The following SVIL variants were observed in gnomAD, a reference collection of about 807,000 sequenced individuals.
SVIL encodes the protein archvillin.
SVIL carries 101 observed loss-of-function variants against 240.4 expected under a neutral mutation model. That is an observed-to-expected ratio of 0.42 (90% CI 0.36 to 0.50). SVIL has a LOEUF of 0.50. SVIL is among the 20% of genes least tolerant of loss of function. The pLI is 0.01. For synonymous variants in SVIL, 999 were observed against 1,100.0 expected, an observed-to-expected ratio of 0.91 and a Z score of 1.82; for missense variants, 2,512 against 2,818.7, an observed-to-expected ratio of 0.89 and a Z score of 2.46.
intron 1 of SVIL, among the ~76,000 whole-genome samples, chr10:29,596,530 G>A (rs1956597653): frequency 6.6e-6 from 1 of 152,144 alleles, no homozygotes; most frequent in Admixed American, 6.5e-5. Context: ...GAGCATTTCA[G>A]TAAGCCATCC....
At chr10:29,723,955 C>G (rs983440318) in intron 1 of SVIL, among the ~76,000 whole-genome samples, 8 of 152,150 alleles carry the variant, frequency 5.3e-5, no homozygotes, top group African/African-American at 1.9e-4. Context: ...CTTTTCAAAA[C>G]CAACTTCTAG....
At chr10:29,585,988 C>T (rs1589326152) in intron 1 of SVIL, among the ~76,000 whole-genome samples, 1 of 152,358 alleles carries the variant, frequency 6.6e-6, no homozygotes, top group African/African-American at 2.4e-5. Flanking sequence ...AGCCATAACC[C>T]ATAGAACCTG....
rs543052668 is a variant in SVIL, at chr10:29,722,981, G to A, written c.-400+12770C>T. ...TTGATGTTGCTCATCTGTGAAATGG[G>A]AGTAATACTACCTACTTCACGTGGT... On this transcript the variant is annotated intron_variant, in intron 1 of 35. Coordinates refer to the SVIL transcript ENST00000375400. 3.7e-4 allele frequency among the ~76,000 whole-genome samples: 57 copies of A among 152,298 alleles called. 1 individual carries two copies. The South Asian group carries it at 0.011, about 30-fold the overall frequency.
chr10:29,572,486 C>A (rs1955473116), intron 1 of SVIL, among the ~76,000 whole-genome samples: 1 of 151,978 alleles, frequency 6.6e-6, no homozygotes, highest in Admixed American at 6.6e-5. Context: ...AGAGATGAAC[C>A]AGGCATGGTG....
chr10:29,638,304 A>C (rs563106517), upstream of SVIL, among the ~76,000 whole-genome samples: 1 of 152,094 alleles, frequency 6.6e-6, no homozygotes, highest in Non-Finnish European at 1.5e-5. Flanking sequence ...TCTACTAAAA[A>C]TACAAAAATT....
At chr10:29,462,214 AAAGTT>A (rs1944341562) in intron 36 of SVIL, 58 bp downstream of exon 36, 1 of 1,557,914 alleles carries the variant, frequency 6.4e-7, no homozygotes, top group Non-Finnish European at 8.7e-7. Flanking sequence ...TCCCCAAAGT[AAAGTT>A]AACCCACAAT....
At chr10:29,557,452 G>A (rs767590297) in intron 3 of SVIL, among the ~76,000 whole-genome samples, 3 of 152,038 alleles carry the variant, frequency 2.0e-5, no homozygotes, top group Non-Finnish European at 2.9e-5. Flanking sequence ...TATCAAAACC[G>A]TTAATAAACC....
At chr10:29,687,351 C>T (rs114180176) in intron 1 of SVIL, among the ~76,000 whole-genome samples, 1 of 152,112 alleles carries the variant, frequency 6.6e-6, no homozygotes, top group Non-Finnish European at 1.5e-5. Context: ...TTCACCTTAC[C>T]GTATGCAAAA....
At chr10:29,593,517 G>C (rs1404655453) in intron 1 of SVIL, among the ~76,000 whole-genome samples, 1 of 152,122 alleles carries the variant, frequency 6.6e-6, no homozygotes, top group Non-Finnish European at 1.5e-5. Flanking sequence ...AGCCAAAGAT[G>C]GTCTTCACTA....
chr10:29,468,637 C>CAT (rs750612023), intron 32 of SVIL, among the ~76,000 whole-genome samples: 72 of 146,394 alleles, frequency 4.9e-4, no homozygotes, highest in African/African-American at 1.4e-3. Flanking sequence ...TATATATATA[C>CAT]ATATATATAT....
At chr10:29,565,153 C>A (rs140362979) in intron 2 of SVIL, among the ~76,000 whole-genome samples, 1 of 152,292 alleles carries the variant, frequency 6.6e-6, no homozygotes, top group African/African-American at 2.4e-5. Context: ...AATGCTATAT[C>A]TTATTTTCAA....
At chr10:29,509,879 T>G (rs1949700743) in intron 17 of SVIL, among the ~76,000 whole-genome samples, 1 of 152,192 alleles carries the variant, frequency 6.6e-6, no homozygotes, top group Admixed American at 6.5e-5. Context: ...AACTCCAGCT[T>G]AATATCTATT....
intron 16 of SVIL, among the ~76,000 whole-genome samples, chr10:29,513,270 G>C (rs576277053): frequency 6.6e-6 from 1 of 152,254 alleles, no homozygotes; most frequent in Non-Finnish European, 1.5e-5. Flanking sequence ...TGCAGACATG[G>C]GCTTAAAAAC....
At chr10:29,579,231 A>G (rs1243002642) in intron 1 of SVIL, among the ~76,000 whole-genome samples, 1 of 151,954 alleles carries the variant, frequency 6.6e-6, no homozygotes, top group Non-Finnish European at 1.5e-5. Flanking sequence ...AGGTCAGGAG[A>G]TCGAGACTAT....
intron 32 of SVIL, among the ~76,000 whole-genome samples, chr10:29,470,071 C>T (rs775622096): frequency 4.6e-5 from 7 of 152,200 alleles, no homozygotes; most frequent in African/African-American, 7.2e-5. Context: ...ATCCTCAGAG[C>T]GGCCCCCAAG....
intron 2 of SVIL, among the ~76,000 whole-genome samples, chr10:29,566,495 A>G (rs1214095929): frequency 6.6e-6 from 1 of 152,190 alleles, no homozygotes; most frequent in Non-Finnish European, 1.5e-5. Context: ...ACAAGCTGTG[A>G]TTAATGCAAG....
At chr10:29,491,774 T>C (rs1947987677) in intron 21 of SVIL, among the ~76,000 whole-genome samples, 2 of 152,330 alleles carry the variant, frequency 1.3e-5, no homozygotes, top group East Asian at 1.9e-4. Context: ...TGGTGTCATA[T>C]GTGTCTATCA....
intron 1 of SVIL, among the ~76,000 whole-genome samples, chr10:29,594,682 G>C (rs910743965): frequency 6.6e-6 from 1 of 151,046 alleles, no homozygotes; most frequent in African/African-American, 2.4e-5. Context: ...TCAGCCTCCC[G>C]AGTAGCTGGG....
intron 18 of SVIL, chr10:29,496,346 A>G: frequency 2.2e-6 from 1 of 451,716 alleles, no homozygotes; most frequent in Non-Finnish European, 4.4e-6. Context: ...TTCTTGAAAG[A>G]TGATAAATAA....
Sources: allele counts gnomAD v4.1 joint callset (sites outside exome capture counted in the v4.1 genomes callset), GRCh38; gene constraint gnomAD v4.1.1; transcripts MANE v1.5; gene names NCBI Gene and HGNC (gene_info 2026-07-23, HGNC 2026-07-21).